The following STX2 variants were observed in gnomAD, a reference collection of about 807,000 sequenced individuals.
STX2 encodes the protein syntaxin-2.
Under a neutral mutation model 40.6 loss-of-function variants are expected in STX2, and 27 were observed. The ratio of observed to expected loss-of-function variants is 0.66; its 90% CI spans 0.49 to 0.92. The LOEUF (loss-of-function observed/expected upper bound fraction) is 0.92. Among genes scored for constraint, STX2 ranks in the 40% least tolerant of loss-of-function variants. The pLI, the probability that STX2 is intolerant of heterozygous loss-of-function variation, is 0.00. For synonymous variants in STX2, 123 were observed against 119.1 expected, an observed-to-expected ratio of 1.03 and a Z score of -0.22; for missense variants, 328 against 366.1, an observed-to-expected ratio of 0.90 and a Z score of 0.85.
At chr12:130,827,103 G>T (rs1952346543) in intron 2 of STX2, 90 bp downstream of exon 2, 1 of 573,874 alleles carries the variant, frequency 1.7e-6, no homozygotes, top group African/African-American at 2.5e-5. Flanking sequence ...GGGAGGAAAG[G>T]GAGAGGGAGG....
rs918774735 is a variant in STX2 at position 130,791,103 on chromosome 12, A to G, written c.*920T>C. ...AATTTATAAACATTTAAAATTATAG[A>G]TATCTTACAAAAACGTGATAAAAAT... On this transcript the variant is annotated 3_prime_UTR_variant, in exon 11 of 11. Transcript: ENST00000392373. The G allele has an allele frequency of 2.6e-5, 4 of 152,230 alleles. No homozygotes were observed. Among genetic ancestry groups the G allele is most frequent in the African/African-American group, 9.6e-5 (4 of 41,452 alleles). 9.4% of individuals were successfully genotyped at this position (152,230 alleles called of 1,614,324 possible).
chr12:130,813,044 A>G lies in STX2; in HGVS notation c.206-13T>C. 1.4e-6 allele frequency: 2 copies of G among 1,435,458 alleles called. No individual in the cohort carries two copies. Among genetic ancestry groups the G allele is most frequent in the Non-Finnish European group, 1.9e-6 (2 of 1,073,930 alleles). The allele number at this position is 1,435,458 out of a possible 1,614,324, so 88.9% of individuals were successfully genotyped here. A position where few individuals can be genotyped will look rare whatever the true frequency, so the allele number is the denominator to read the frequency against. On this transcript the variant is annotated splice_polypyrimidine_tract_variant and intron_variant, in intron 3 of 10. Coordinates refer to ENST00000392373, the MANE Select transcript of STX2 (RefSeq NM_194356.4). ...TCTTCTTTTATTTCTATAAAAATTT[A>G]AAATTAAAAAATAAAATACAGCATC...
intron 3 of STX2, among the ~76,000 whole-genome samples, chr12:130,818,185 A>AAAAAAAAAAAAAATATATAT: frequency 4.3e-5 from 3 of 70,542 alleles, no homozygotes; most frequent in African/African-American, 2.4e-4. Context: ...AAAAAAAAAA[A>AAAAAAAAAAAAAATATATAT]ATATATATAT....
Position 130,801,489 on chromosome 12 carries a change from C to G in STX2, c.464-1G>C. On this transcript the variant is annotated splice_acceptor_variant, in intron 6 of 10. Coordinates refer to ENST00000392373, the MANE Select transcript of STX2 (RefSeq NM_194356.4). LOFTEE classifies it high-confidence loss of function. ...TCGTCGTCTGTGGTGGTTCTCCCAGCTGAAAGACCCGCAACCACAGCCCCA... is the reference window on the plus strand; with the variant it reads ...TCGTCGTCTGTGGTGGTTCTCCCAGGTGAAAGACCCGCAACCACAGCCCCA... 1 of 1,597,758 alleles carries G rather than the reference C, an allele frequency of 6.3e-7. No homozygotes were observed. The highest frequency in any genetic ancestry group is 8.5e-7 in the Non-Finnish European group (1 of 1,172,668).
chr12:130,822,473 C>T (rs1301519102), intron 2 of STX2, among the ~76,000 whole-genome samples: 1 of 152,042 alleles, frequency 6.6e-6, no homozygotes, highest in African/African-American at 2.4e-5. Context: ...GTATCTATAG[C>T]TCATACAGCC....
intron 9 of STX2, among the ~76,000 whole-genome samples, chr12:130,797,800 G>A (rs1218256707): frequency 6.6e-6 from 1 of 152,254 alleles, no homozygotes; most frequent in Admixed American, 6.5e-5. Flanking sequence ...TGCATCTTGA[G>A]TGAAAGGGGT....
At chr12:130,796,412 G>A (rs1015428319) in intron 9 of STX2, among the ~76,000 whole-genome samples, 2 of 152,148 alleles carry the variant, frequency 1.3e-5, no homozygotes, top group Admixed American at 1.3e-4. Flanking sequence ...CTTGAACCCA[G>A]GAGGCAGAGG....
intron 3 of STX2, among the ~76,000 whole-genome samples, chr12:130,819,000 A>G (rs1393990454): frequency 9.3e-5 from 14 of 150,942 alleles, no homozygotes; most frequent in Admixed American, 9.2e-4. Flanking sequence ...AGAAAAAAGA[A>G]ATAATACAAA....
At chr12:130,831,599 C>T (rs1952560023) in intron 1 of STX2, among the ~76,000 whole-genome samples, 2 of 152,116 alleles carry the variant, frequency 1.3e-5, no homozygotes, top group South Asian at 4.1e-4. Context: ...GATGGTGCCA[C>T]TCCAGCCTGG....
intron 9 of STX2, among the ~76,000 whole-genome samples, chr12:130,796,719 G>A (rs1447946050): frequency 1.3e-5 from 2 of 152,230 alleles, no homozygotes; most frequent in Non-Finnish European, 2.9e-5. Context: ...TTAGTTTTCC[G>A]CATGTACAGA....
chr12:130,808,128 T>C (rs1486117756), intron 5 of STX2, among the ~76,000 whole-genome samples: 1 of 152,098 alleles, frequency 6.6e-6, no homozygotes, highest in African/African-American at 2.4e-5. Flanking sequence ...GAGAAATGCA[T>C]GTATAGCTCC....
chr12:130,819,181 G>T lies in STX2; in HGVS notation c.205+2508C>A, dbSNP rs545772024. Among the ~76,000 whole-genome samples the T allele has an allele frequency of 7.9e-4, 121 of 152,308 alleles. 1 individual carries two copies. The highest frequency in any genetic ancestry group is 1.6e-3 in the Admixed American group (24 of 15,306). On this transcript the variant is annotated intron_variant, in intron 3 of 10. Coordinates refer to ENST00000392373, the MANE Select transcript of STX2 (RefSeq NM_194356.4). ...GGCCGCCGTGCCCAGCCCTGCCCCGGGTCCTGAGGTTGACGGGGGACCTCC... is the reference window on the plus strand; with the variant it reads ...GGCCGCCGTGCCCAGCCCTGCCCCGTGTCCTGAGGTTGACGGGGGACCTCC...
chr12:130,795,533 G>A (rs1951001648), intron 10 of STX2, among the ~76,000 whole-genome samples: 1 of 152,122 alleles, frequency 6.6e-6, no homozygotes, highest in African/African-American at 2.4e-5. Context: ...AGGAATTCGA[G>A]ACCAGCCTGG....
At chr12:130,818,541 C>CA (rs1204061866) in intron 3 of STX2, among the ~76,000 whole-genome samples, 8 of 152,116 alleles carry the variant, frequency 5.3e-5, no homozygotes, top group Non-Finnish European at 8.8e-5. Context: ...AATCCAGAGC[C>CA]ACAGAGGCGC....
intron 3 of STX2, among the ~76,000 whole-genome samples, chr12:130,818,179 A>T (rs1384112336): frequency 7.7e-4 from 15 of 19,424 alleles, no homozygotes; most frequent in African/African-American, 2.5e-3. Context: ...ACAAAAAAAA[A>T]AAAAAAATAT....
At chr12:130,833,584 C>T (rs1284129061) in intron 1 of STX2, among the ~76,000 whole-genome samples, 2 of 151,926 alleles carry the variant, frequency 1.3e-5, no homozygotes, top group African/African-American at 4.8e-5. Flanking sequence ...TTAATTTTTG[C>T]ATCTTTAGTA....
intron 2 of STX2, among the ~76,000 whole-genome samples, chr12:130,825,705 C>T (rs1001100574): frequency 6.6e-6 from 1 of 152,198 alleles, no homozygotes; most frequent in Non-Finnish European, 1.5e-5. Context: ...ATCTGAAAAA[C>T]TAGTAACTTT....
chr12:130,829,154 T>C (rs771284785), intron 1 of STX2, among the ~76,000 whole-genome samples: 9 of 152,162 alleles, frequency 5.9e-5, no homozygotes, highest in Non-Finnish European at 1.2e-4. Flanking sequence ...ACATGCTCAA[T>C]GGTTATGGTC....
intron 3 of STX2, among the ~76,000 whole-genome samples, chr12:130,820,581 G>A (rs1158442327): frequency 3.3e-5 from 5 of 152,062 alleles, no homozygotes; most frequent in Admixed American, 6.5e-5. Flanking sequence ...CAGAAGAATC[G>A]CTTGAACCCG....
Sources: allele counts gnomAD v4.1 joint callset (sites outside exome capture counted in the v4.1 genomes callset), GRCh38; gene constraint gnomAD v4.1.1; transcripts MANE v1.5; gene names NCBI Gene and HGNC (gene_info 2026-07-23, HGNC 2026-07-21).